The following SPTLC3 variants were observed in gnomAD, a reference collection of about 807,000 sequenced individuals.
The protein encoded by SPTLC3 is serine palmitoyltransferase long chain base subunit 3.
Under a neutral mutation model 59.3 loss-of-function variants are expected in SPTLC3, and 36 were observed. The observed-to-expected ratio is 0.61, with a 90% CI of 0.47 to 0.80. The LOEUF (loss-of-function observed/expected upper bound fraction) is 0.80. SPTLC3 is among the 30% of genes least tolerant of loss of function. The probability of loss-of-function intolerance (pLI) is 0.00; values close to 1 mark genes in which losing one functional copy is unlikely to be tolerated. For synonymous variants in SPTLC3, 257 were observed against 240.8 expected (o/e 1.07, Z -0.62); for missense variants, 625 against 685.1 (o/e 0.91, Z 0.98).
At chr20:13,088,932 G>A (rs1989107834) in intron 4 of SPTLC3, among the ~76,000 whole-genome samples, 1 of 151,988 alleles carries the variant, frequency 6.6e-6, no homozygotes, top group African/African-American at 2.4e-5. Flanking sequence ...GCCCAGCCTA[G>A]AACACTTGTT....
Position 13,124,657 on chromosome 20 carries a change from C to T in SPTLC3, c.1153-1934C>T, listed in dbSNP as rs79556625. Among the ~76,000 whole-genome samples, 853 of 152,258 alleles carry T rather than the reference C, an allele frequency of 5.6e-3. 6 individuals are homozygous for T. The highest frequency in any genetic ancestry group is 0.02 in the African/African-American group (826 of 41,524). On this transcript the variant is annotated intron_variant, in intron 8 of 11. Transcript: ENST00000399002. ...CCCTTGGTTCCCCTCATGGACCAGGCAGAGTCATCACATCATTAATCTAAC... is the reference window on the plus strand; with the variant it reads ...CCCTTGGTTCCCCTCATGGACCAGGTAGAGTCATCACATCATTAATCTAAC...
chr20:13,044,091 G>C (rs1406709687), intron 1 of SPTLC3, among the ~76,000 whole-genome samples: 2 of 139,032 alleles, frequency 1.4e-5, no homozygotes, highest in Non-Finnish European at 3.1e-5. Flanking sequence ...CTTTTGTCTT[G>C]TTTCTTTTTT....
At chr20:13,151,471 T>A (rs1000422603) in intron 9 of SPTLC3, among the ~76,000 whole-genome samples, 1 of 152,196 alleles carries the variant, frequency 6.6e-6, no homozygotes, top group Non-Finnish European at 1.5e-5. Context: ...ATAAGCCGGA[T>A]GCTCTCTCCA....
At chr20:13,128,360 G>A (rs1240330145) in intron 9 of SPTLC3, among the ~76,000 whole-genome samples, 1 of 152,154 alleles carries the variant, frequency 6.6e-6, no homozygotes, top group Non-Finnish European at 1.5e-5. Context: ...AGATCTCAGT[G>A]GCTTAACAGA....
In SPTLC3 at chr20:13,093,538, C is replaced by G. The variant is rs369623921; in HGVS notation, c.787C>G (p.Arg263Gly). The change falls in exon 6 of 12, where the codon CGA (arginine) becomes GGA (glycine). Residue 263 changes from arginine to glycine, a missense_variant. Coordinates refer to ENST00000399002, the MANE Select transcript of SPTLC3 (RefSeq NM_018327.4). ...LNHTSLVLGA[R>G]LSGATIRIFK... ...CCACACATCGCTTGTGCTTGGGGCCCGACTCTCAGGTGCAACCATAAGAAT... is the reference window on the plus strand; with the variant it reads ...CCACACATCGCTTGTGCTTGGGGCCGGACTCTCAGGTGCAACCATAAGAAT... 1 of 1,613,334 alleles carries G rather than the reference C, an allele frequency of 6.2e-7. No individual in the cohort carries two copies. Among genetic ancestry groups the G allele is most frequent in the Non-Finnish European group, 8.5e-7 (1 of 1,179,576 alleles).
At chr20:13,162,120 G>A (rs1410970051) in intron 11 of SPTLC3, among the ~76,000 whole-genome samples, 2 of 152,176 alleles carry the variant, frequency 1.3e-5, no homozygotes, top group African/African-American at 2.4e-5. Context: ...CTTTCAAGAA[G>A]TCTGACTGTA....
chr20:13,034,219 A>G (rs1342060026), intron 1 of SPTLC3, among the ~76,000 whole-genome samples: 5 of 152,134 alleles, frequency 3.3e-5, no homozygotes, highest in Non-Finnish European at 5.9e-5. Flanking sequence ...TATTTGATAT[A>G]TGTACTGAGT....
At chr20:13,090,121 G>A (rs988263559) in intron 4 of SPTLC3, among the ~76,000 whole-genome samples, 5 of 152,134 alleles carry the variant, frequency 3.3e-5, no homozygotes, top group East Asian at 1.9e-4. Flanking sequence ...CAGAAAATAC[G>A]GGCAGCATCA....
chr20:13,010,967 T>C (rs1348044800), intron 1 of SPTLC3, among the ~76,000 whole-genome samples: 1 of 152,192 alleles, frequency 6.6e-6, no homozygotes, highest in Non-Finnish European at 1.5e-5. Context: ...TAAATATCCT[T>C]GGACACTGAG....
intron 4 of SPTLC3, among the ~76,000 whole-genome samples, chr20:13,085,723 T>C (rs1009190442): frequency 2.6e-5 from 4 of 152,190 alleles, no homozygotes; most frequent in African/African-American, 9.7e-5. Context: ...AGCCAGTCAG[T>C]ATCAATAAAA....
intron 4 of SPTLC3, among the ~76,000 whole-genome samples, chr20:13,078,519 G>A (rs184058124): frequency 1.7e-4 from 26 of 151,956 alleles, no homozygotes; most frequent in Non-Finnish European, 2.5e-4. Flanking sequence ...TTAAATACTA[G>A]AAGTATTTAT....
At chr20:13,097,880 C>T (rs958183896) in intron 6 of SPTLC3, among the ~76,000 whole-genome samples, 19 of 151,914 alleles carry the variant, frequency 1.3e-4, no homozygotes, top group Non-Finnish European at 2.4e-4. Context: ...AGACTAGATT[C>T]CAAAAGAGAC....
At chr20:13,128,396 C>T (rs1336698856) in intron 9 of SPTLC3, among the ~76,000 whole-genome samples, 3 of 152,144 alleles carry the variant, frequency 2.0e-5, no homozygotes, top group African/African-American at 7.2e-5. Context: ...GTTTGCATCA[C>T]ATCTAATACC....
At chr20:13,017,404 T>C (rs1453640792) in intron 1 of SPTLC3, among the ~76,000 whole-genome samples, 2 of 152,156 alleles carry the variant, frequency 1.3e-5, no homozygotes, top group African/African-American at 2.4e-5. Flanking sequence ...GCTTGAGAGA[T>C]AGTCTGGCTT....
chr20:13,163,089 C>A (rs550198163), intron 11 of SPTLC3, among the ~76,000 whole-genome samples: 36 of 152,164 alleles, frequency 2.4e-4, no homozygotes, highest in Admixed American at 2.2e-3. Context: ...GAATAGAGGT[C>A]GGGCGCAGTG....
intron 4 of SPTLC3, among the ~76,000 whole-genome samples, chr20:13,085,529 G>A (rs1390752728): frequency 1.3e-5 from 2 of 152,172 alleles, no homozygotes; most frequent in African/African-American, 4.8e-5. Context: ...CAGGTCTAAG[G>A]AACAGTTTAT....
intron 6 of SPTLC3, among the ~76,000 whole-genome samples, chr20:13,096,300 G>T (rs1989409788): frequency 6.6e-6 from 1 of 152,122 alleles, no homozygotes; most frequent in South Asian, 2.1e-4. Context: ...GAATGAAAGT[G>T]TGTGTCCATT....
At chr20:13,145,776 T>G (rs116988183) in intron 9 of SPTLC3, among the ~76,000 whole-genome samples, 2,184 of 152,264 alleles carry the variant, frequency 0.014, 25 homozygotes, top group South Asian at 0.029. Context: ...AGCATGATAC[T>G]GGTAAGAAAA....
intron 2 of SPTLC3, among the ~76,000 whole-genome samples, chr20:13,052,483 T>G (rs888633132): frequency 1.3e-5 from 2 of 151,960 alleles, no homozygotes; most frequent in East Asian, 1.9e-4. Flanking sequence ...CAGGAGTTTT[T>G]TTGTTGTTGT....
Sources: allele counts gnomAD v4.1 joint callset (sites outside exome capture counted in the v4.1 genomes callset), GRCh38; gene constraint gnomAD v4.1.1; transcripts MANE v1.5; gene names NCBI Gene and HGNC (gene_info 2026-07-23, HGNC 2026-07-21).